The following CFAP299 variants were observed in gnomAD, a reference collection of about 807,000 sequenced individuals.
The protein encoded by CFAP299 is cilia and flagella associated protein 299.
In CFAP299, 21 loss-of-function variants were observed where a neutral mutation model predicts 27.0. The observed-to-expected ratio is 0.78, with a 90% CI of 0.55 to 1.12. The LOEUF is 1.12. Ranked by LOEUF, CFAP299 falls within the 50% of genes most tolerant of loss-of-function variation. CFAP299 has a pLI of 0.00. For missense variants in CFAP299, 310 were observed against 276.6 expected, an observed-to-expected ratio of 1.12 and a Z score of -0.86; for synonymous variants, 104 against 98.1, an observed-to-expected ratio of 1.06 and a Z score of -0.36.
At chr4:80,932,051 G>A (rs1444764746) in intron 4 of CFAP299, among the ~76,000 whole-genome samples, 1 of 152,106 alleles carries the variant, frequency 6.6e-6, no homozygotes, top group African/African-American at 2.4e-5. Context: ...ACATATGGTA[G>A]TAATTAGCAA....
At chr4:80,762,417 G>T (rs543425173) in intron 3 of CFAP299, among the ~76,000 whole-genome samples, 15 of 152,082 alleles carry the variant, frequency 9.9e-5, no homozygotes, top group African/African-American at 2.9e-4. Context: ...AAAACATCTT[G>T]GTTTGGATGA....
chr4:80,343,951 G>T (rs1722601445), intron 1 of CFAP299, among the ~76,000 whole-genome samples: 1 of 152,044 alleles, frequency 6.6e-6, no homozygotes, highest in Non-Finnish European at 1.5e-5. Flanking sequence ...TAACTAATGA[G>T]AACAAGGAGA....
intron 3 of CFAP299, among the ~76,000 whole-genome samples, chr4:80,697,692 G>T (rs544065668): frequency 1.3e-5 from 2 of 152,286 alleles, no homozygotes; most frequent in Non-Finnish European, 2.9e-5. Context: ...TGAAATGTAA[G>T]AGCGATCATA....
chr4:80,472,343 T>C (rs189783709), intron 2 of CFAP299, among the ~76,000 whole-genome samples: 4 of 152,316 alleles, frequency 2.6e-5, no homozygotes. Context: ...TATAACACAA[T>C]TGCAATGGCA....
chr4:80,385,021 AT>A (rs1168922878), intron 2 of CFAP299, among the ~76,000 whole-genome samples: 1 of 152,182 alleles, frequency 6.6e-6, no homozygotes, highest in Non-Finnish European at 1.5e-5. Flanking sequence ...ATGTTTTGTT[AT>A]ATGTATACAT....
chr4:80,464,749 T>C (rs1729624340), intron 2 of CFAP299, among the ~76,000 whole-genome samples: 1 of 152,150 alleles, frequency 6.6e-6, no homozygotes, highest in South Asian at 2.1e-4. Flanking sequence ...AGAAATTTTA[T>C]AGCTTCTTGT....
chr4:80,392,398 C>A lies in CFAP299; in HGVS notation c.242+29514C>A, dbSNP rs555876221. Among the ~76,000 whole-genome samples the A allele has an allele frequency of 3.3e-5, 5 of 152,250 alleles. No homozygotes were observed. In the South Asian group the frequency reaches 1.0e-3, roughly 32 times the overall value. On this transcript the variant is annotated intron_variant, in intron 2 of 5. Coordinates refer to ENST00000358105, the MANE Select transcript of CFAP299 (RefSeq NM_152770.3). ...AGTATAGTTCGGCTGTGTCCCCACC[C>A]AAACCTCATCTTGAATTGTAATTTG... is the stretch of plus-strand genomic sequence containing the variant.
At chr4:80,856,836 G>A (rs35374575) in intron 3 of CFAP299, among the ~76,000 whole-genome samples, 20,071 of 149,782 alleles carry the variant, frequency 0.13, 1,092 homozygotes, top group Middle Eastern at 0.25. Flanking sequence ...GTCAGGTAGC[G>A]TGATGCCTCC....
chr4:80,911,702 T>C (rs1735481354), intron 4 of CFAP299, among the ~76,000 whole-genome samples: 1 of 152,130 alleles, frequency 6.6e-6, no homozygotes, highest in African/African-American at 2.4e-5. Flanking sequence ...TCAAAAGCCA[T>C]ACCACACATC....
rs1170153950 is a variant in CFAP299, at chr4:80,414,064, CTTTTTTTTT to C, written c.242+51196_242+51204del. Reference sequence around the variant, plus strand: ...GCATGCAAGAAACAAATGGGTATTTCTTTTTTTTTTTTTTTTTTTTTTTTGAGACGGAGT... The same window carrying C: ...GCATGCAAGAAACAAATGGGTATTTCTTTTTTTTTTTTTTTGAGACGGAGT... On this transcript the variant is annotated intron_variant, in intron 2 of 5. Coordinates refer to ENST00000358105, the MANE Select transcript of CFAP299 (RefSeq NM_152770.3). Among the ~76,000 whole-genome samples the C allele has an allele frequency of 3.8e-4, 24 of 62,448 alleles. No individual in the cohort carries two copies. The South Asian group carries it at 5.9e-3, about 15-fold the overall frequency. 41.0% of individuals were successfully genotyped at this position (62,448 alleles called of 152,430 possible). A position where few individuals can be genotyped will look rare whatever the true frequency, so the allele number is the denominator to read the frequency against.
intron 3 of CFAP299, among the ~76,000 whole-genome samples, chr4:80,654,177 C>T (rs1041870561): frequency 6.6e-6 from 1 of 152,078 alleles, no homozygotes; most frequent in Non-Finnish European, 1.5e-5. Context: ...AGTAGCAATA[C>T]ATTATTGAAT....
intron 3 of CFAP299, among the ~76,000 whole-genome samples, chr4:80,642,699 G>A (rs1231435739): frequency 6.6e-6 from 1 of 151,388 alleles, no homozygotes; most frequent in Non-Finnish European, 1.5e-5. Context: ...GGGAGGCAAA[G>A]GTTGCAGTGA....
At chr4:80,390,724 C>CACACATAT (rs1560543496) in intron 2 of CFAP299, among the ~76,000 whole-genome samples, 13,035 of 118,454 alleles carry the variant, frequency 0.11, 1,543 homozygotes, top group East Asian at 0.17. Flanking sequence ...TACACACATA[C>CACACATAT]ATGTATATAT....
chr4:80,717,633 G>C (rs994982180), intron 3 of CFAP299, among the ~76,000 whole-genome samples: 1 of 152,084 alleles, frequency 6.6e-6, no homozygotes, highest in African/African-American at 2.4e-5. Flanking sequence ...ATAGGAGAAT[G>C]TATTAATAAT....
intron 3 of CFAP299, among the ~76,000 whole-genome samples, chr4:80,611,770 G>T (rs1373703223): frequency 6.6e-6 from 1 of 151,910 alleles, no homozygotes; most frequent in African/African-American, 2.4e-5. Context: ...GGATGAAATG[G>T]GAGCTGGAAG....
At chr4:80,883,096 G>A (rs1373100996) in intron 4 of CFAP299, among the ~76,000 whole-genome samples, 1 of 151,920 alleles carries the variant, frequency 6.6e-6, no homozygotes, top group Non-Finnish European at 1.5e-5. Context: ...ACAATAATTT[G>A]CTAATAAATA....
At chr4:80,397,784 G>A (rs576673784) in intron 2 of CFAP299, among the ~76,000 whole-genome samples, 2 of 152,162 alleles carry the variant, frequency 1.3e-5, no homozygotes, top group Non-Finnish European at 2.9e-5. Context: ...CACAAGACAG[G>A]GATGCCCTTT....
At chr4:80,591,471 AG>A (rs1285429034) in intron 3 of CFAP299, among the ~76,000 whole-genome samples, 1 of 152,186 alleles carries the variant, frequency 6.6e-6, no homozygotes, top group Non-Finnish European at 1.5e-5. Context: ...CATGCAGCGA[AG>A]AGGTCGAACT....
intron 3 of CFAP299, among the ~76,000 whole-genome samples, chr4:80,702,629 C>G (rs1721570834): frequency 6.6e-6 from 1 of 151,752 alleles, no homozygotes; most frequent in South Asian, 2.1e-4. Flanking sequence ...ATACTTTTTC[C>G]TGGCCTTCTA....
Sources: gnomAD v4.1 joint callset for allele counts (sites outside exome capture counted in the v4.1 genomes callset) on GRCh38, gnomAD v4.1.1 for gene constraint, MANE v1.5 for transcripts, NCBI Gene and HGNC (gene_info 2026-07-23, HGNC 2026-07-21) for gene names.